DST: variants seen among roughly 807,000 people sequenced by gnomAD.
DST encodes bullous pemphigoid antigen.
DST carries 253 observed loss-of-function variants against 875.2 expected under a neutral mutation model. The observed-to-expected ratio is 0.29, with a 90% CI of 0.26 to 0.32. The LOEUF is 0.32. Ranked by LOEUF, DST falls within the 10% of genes least tolerant of loss-of-function variation. DST has a pLI of 1.00. For missense variants in DST, 8,287 were observed against 9,111.6 expected, an observed-to-expected ratio of 0.91 and a Z score of 3.68; for synonymous variants, 3,124 against 3,197.1, an observed-to-expected ratio of 0.98 and a Z score of 0.77.
At chr6:56,771,480 G>A (rs530962433) in intron 4 of DST, among the ~76,000 whole-genome samples, 1 of 152,204 alleles carries the variant, frequency 6.6e-6, no homozygotes, top group South Asian at 2.1e-4. Flanking sequence ...TTAAAATGTT[G>A]CTGTAATTTT....
At chr6:56,638,053 C>T (rs2098843390) in intron 22 of DST, among the ~76,000 whole-genome samples, 1 of 151,796 alleles carries the variant, frequency 6.6e-6, no homozygotes, top group Non-Finnish European at 1.5e-5. Flanking sequence ...CAGGACAGGC[C>T]GATGGGATCA....
intron 4 of DST, among the ~76,000 whole-genome samples, chr6:56,754,459 T>C (rs2099596712): frequency 6.6e-6 from 1 of 152,316 alleles, no homozygotes; most frequent in Non-Finnish European, 1.5e-5. Flanking sequence ...CTATCACAGG[T>C]CCTTGAGAGT....
chr6:56,562,280 C>T (rs1443319687), intron 55 of DST, 80 bp from the exon 56 acceptor site: 7 of 841,536 alleles, frequency 8.3e-6, no homozygotes, highest in Middle Eastern at 2.4e-4. Flanking sequence ...TAAATCAAAC[C>T]CCATCAACAG....
chr6:56,763,078 G>A (rs747028252), intron 4 of DST, among the ~76,000 whole-genome samples: 6 of 151,924 alleles, frequency 3.9e-5, no homozygotes, highest in Non-Finnish European at 7.4e-5. Context: ...TCGAACTCCT[G>A]ACCTCAGGTG....
chr6:56,623,991 A>T (rs2098712314), intron 36 of DST, among the ~76,000 whole-genome samples: 1 of 151,826 alleles, frequency 6.6e-6, no homozygotes, highest in Non-Finnish European at 1.5e-5. Flanking sequence ...TTTTGCAAAA[A>T]AAAAACAACA....
At position 56,640,569 on chromosome 6, in the gene DST, C is replaced by T. The variant is rs1563392149; in HGVS notation, c.2064G>A (p.Arg688=). 1 of 1,614,034 alleles carries T rather than the reference C, an allele frequency of 6.2e-7. No individual in the cohort carries two copies. The highest frequency in any genetic ancestry group is 8.5e-7 in the Non-Finnish European group (1 of 1,180,014). Residue 688 remains arginine, a synonymous_variant, in exon 18 of 104, where the codon AGG becomes AGA. Transcript: ENST00000680361. Reference sequence around the variant, plus strand: ...TGCTGTACACAGAAGAACATTCGTTCCTTAAGGCCATAATTTCGTCACGCA... The same window carrying T: ...TGCTGTACACAGAAGAACATTCGTTTCTTAAGGCCATAATTTCGTCACGCA... ...AKLRDEIMAL[R]NECSSVYSKG... is the part of the protein sequence containing the mutation.
chr6:56,634,158 T>C lies in DST; in HGVS notation c.3595A>G (p.Arg1199Gly). 1 of 1,613,404 alleles carries C rather than the reference T, an allele frequency of 6.2e-7. No homozygotes were observed. Among genetic ancestry groups the C allele is most frequent in the Non-Finnish European group, 8.5e-7 (1 of 1,179,950 alleles). ...SWHYLINEID[R>G]IRASNVASIK... is the part of the protein sequence containing the mutation. ...GAAGCCACATTGCTAGCTCGAATTC[T>C]ATCAATTTCATTGATGAGATAATGC... The change falls in exon 27 of 104, where the codon AGA becomes GGA. Residue 1199 changes from arginine to glycine, a missense_variant. Arg to Gly is a moderately radical substitution (Grantham distance 125). This residue lies in a region of DST where 3,138 missense variants were observed against 3,116.6 expected (regional missense o/e 1.01). Transcript: ENST00000680361.
intron 27 of DST, 110 bp from the exon 28 acceptor site, chr6:56,633,147 A>G (rs1349762684): frequency 2.3e-6 from 2 of 852,974 alleles, no homozygotes; most frequent in African/African-American, 1.7e-5. Flanking sequence ...ATAATCATAA[A>G]TAGGAACATT....
chr6:56,635,080 C>G, intron 24 of DST, 127 bp from the exon 25 acceptor site: 1 of 727,880 alleles, frequency 1.4e-6, no homozygotes, highest in South Asian at 1.8e-5. Context: ...AATTTTCAAT[C>G]TTTCCTCCTC....
chr6:56,595,356 C>T (rs1374021650), intron 47 of DST, among the ~76,000 whole-genome samples: 5 of 152,194 alleles, frequency 3.3e-5, no homozygotes, highest in South Asian at 2.1e-4. Flanking sequence ...ACTGGTCCCC[C>T]ACCCCACACT....
chr6:56,954,310 G>A (rs1824101447), intron 1 of DST, 97 bp downstream of exon 1: 1 of 957,448 alleles, frequency 1.0e-6, no homozygotes, highest in Admixed American at 2.8e-5. Context: ...GATGGGGCTA[G>A]GGGCAGCCGA....
intron 3 of DST, among the ~76,000 whole-genome samples, chr6:56,892,983 T>C (rs1448469488): frequency 6.6e-6 from 1 of 152,218 alleles, no homozygotes; most frequent in Non-Finnish European, 1.5e-5. Context: ...CTCTATATGG[T>C]AGCTATTGTT....
rs1403484215 is a variant in DST, at chr6:56,954,726, C to T, written c.-139G>A. 1 of 350,546 alleles carries T rather than the reference C, an allele frequency of 2.9e-6. No individual in the cohort carries two copies. The highest frequency in any genetic ancestry group is 4.1e-6 in the Non-Finnish European group (1 of 241,930). The allele number at this position is 350,546 out of a possible 1,614,324, so 21.7% of individuals were successfully genotyped here. On this transcript the variant is annotated 5_prime_UTR_variant, in exon 1 of 104. Transcript: ENST00000680361. ...ATGCCTGGCGCTCGCGGCCCCGCGC[C>T]CAGCCCAATGGCTGCGCACCCCGCG...
At chr6:56,584,012 G>A (rs2098086571) in intron 49 of DST, among the ~76,000 whole-genome samples, 2 of 152,196 alleles carry the variant, frequency 1.3e-5, no homozygotes, top group African/African-American at 2.4e-5. Context: ...AGTATAGTTT[G>A]AAGTCAGGTA....
intron 54 of DST, among the ~76,000 whole-genome samples, 178 bp from the exon 55 acceptor site, chr6:56,568,773 T>C (rs2097725020): frequency 1.3e-5 from 2 of 152,202 alleles, no homozygotes; most frequent in African/African-American, 4.8e-5. Flanking sequence ...GTTATCTCAG[T>C]TAACGGTTGG....
At chr6:56,853,264 A>T (rs568608116) in intron 3 of DST, among the ~76,000 whole-genome samples, 1 of 152,326 alleles carries the variant, frequency 6.6e-6, no homozygotes, top group South Asian at 2.1e-4. Context: ...TGAGGCAAAA[A>T]GTAAATAAAA....
chr6:56,515,730 T>G (rs2096573752), intron 71 of DST, 62 bp from the exon 72 acceptor site: 2 of 1,375,702 alleles, frequency 1.5e-6, no homozygotes, highest in Admixed American at 2.0e-5. Flanking sequence ...CACTCCAGAG[T>G]GCTCTGTCCA....
chr6:56,883,686 G>GCTA (rs1242540722), intron 3 of DST, among the ~76,000 whole-genome samples: 2 of 152,002 alleles, frequency 1.3e-5, no homozygotes, highest in Non-Finnish European at 2.9e-5. Flanking sequence ...AAACTATAGA[G>GCTA]AACTGCCATT....
At chr6:56,764,096 T>C (rs796664627) in intron 4 of DST, among the ~76,000 whole-genome samples, 1,459 of 43,556 alleles carry the variant, frequency 0.033, 20 homozygotes, top group African/African-American at 0.17. Context: ...AAAGTGCACA[T>C]GCACACACAC....
Sources: gnomAD v4.1 joint callset for allele counts (sites outside exome capture counted in the v4.1 genomes callset) on GRCh38, gnomAD v4.1.1 for gene constraint, gnomAD v4.1.1 regional missense constraint, MANE v1.5 for transcripts, NCBI Gene and HGNC (gene_info 2026-07-23, HGNC 2026-07-21) for gene names.